CFAP61: variants seen among roughly 807,000 people sequenced by gnomAD.
The protein encoded by CFAP61 is cilia and flagella associated protein 61.
In CFAP61, 107 loss-of-function variants were observed where a neutral mutation model predicts 135.6. The ratio of observed to expected loss-of-function variants is 0.79; its 90% CI spans 0.67 to 0.93. CFAP61 has a LOEUF of 0.93. Ranked by LOEUF, CFAP61 falls within the 40% of genes least tolerant of loss-of-function variation. The pLI, the probability that CFAP61 is intolerant of heterozygous loss-of-function variation, is 0.00. For synonymous variants in CFAP61, 575 were observed against 578.5 expected (o/e 0.99, Z 0.09); for missense variants, 1,507 against 1,556.2 (o/e 0.97, Z 0.53).
chr20:20,084,630 CCA>C (rs2046667406), intron 6 of CFAP61, among the ~76,000 whole-genome samples: 1 of 152,136 alleles, frequency 6.6e-6, no homozygotes, highest in Non-Finnish European at 1.5e-5. Context: ...TGCGTGTCAC[CCA>C]GAGACCCATC....
chr20:20,248,773 C>T (rs1477039849), intron 19 of CFAP61, among the ~76,000 whole-genome samples: 1 of 152,226 alleles, frequency 6.6e-6, no homozygotes, highest in Admixed American at 6.5e-5. Flanking sequence ...TTGCTTCTAA[C>T]TGCACACCTG....
intron 6 of CFAP61, among the ~76,000 whole-genome samples, chr20:20,078,592 G>A (rs540778092): frequency 1.3e-5 from 2 of 152,290 alleles, no homozygotes; most frequent in African/African-American, 4.8e-5. Flanking sequence ...GTCAGTAAGT[G>A]GGGAGATCAT....
chr20:20,255,543 A>G (rs1601652638), intron 20 of CFAP61, among the ~76,000 whole-genome samples: 1 of 152,272 alleles, frequency 6.6e-6, no homozygotes, highest in East Asian at 1.9e-4. Flanking sequence ...ATCATGTCTT[A>G]GACTGGGTCA....
chr20:20,268,736 T>C (rs2053020655), intron 21 of CFAP61, among the ~76,000 whole-genome samples: 1 of 152,188 alleles, frequency 6.6e-6, no homozygotes, highest in Non-Finnish European at 1.5e-5. Context: ...AGCAACCCGA[T>C]ACATTATAAC....
intron 12 of CFAP61, among the ~76,000 whole-genome samples, chr20:20,166,852 A>G (rs1298917599): frequency 6.6e-6 from 1 of 152,152 alleles, no homozygotes; most frequent in Non-Finnish European, 1.5e-5. Flanking sequence ...TTCTTTCCCT[A>G]CTAGTTCCTC....
At chr20:20,219,470 T>C (rs1446432375) in intron 17 of CFAP61, among the ~76,000 whole-genome samples, 2 of 152,192 alleles carry the variant, frequency 1.3e-5, no homozygotes, top group Non-Finnish European at 2.9e-5. Flanking sequence ...CAAAATATTT[T>C]AAAGTCTATG....
At chr20:20,188,179 G>T in intron 14 of CFAP61, 123 bp downstream of exon 14, 1 of 975,314 alleles carries the variant, frequency 1.0e-6, no homozygotes, top group Non-Finnish European at 1.5e-6. Context: ...AGTGGAGGTA[G>T]AGTTAGAAGA....
At chr20:20,286,355 G>A (rs2054589038) in intron 22 of CFAP61, among the ~76,000 whole-genome samples, 1 of 152,214 alleles carries the variant, frequency 6.6e-6, no homozygotes, top group Non-Finnish European at 1.5e-5. Flanking sequence ...TTCCCATCTT[G>A]TTGGCATTCA....
At chr20:20,171,348 C>A (rs2054206208) in intron 13 of CFAP61, among the ~76,000 whole-genome samples, 1 of 152,208 alleles carries the variant, frequency 6.6e-6, no homozygotes, top group Admixed American at 6.5e-5. Flanking sequence ...AACCGAAGTT[C>A]CTTCTCTTAT....
chr20:20,069,968 A>C (rs1288236764), intron 2 of CFAP61: 1 of 276,024 alleles, frequency 3.6e-6, no homozygotes, highest in Non-Finnish European at 7.3e-6. Context: ...TTAAGATGCC[A>C]GTAGATTTCA....
rs1029922388 is a variant in CFAP61 at position 20,070,976 on chromosome 20, G to A, written c.266G>A (p.Arg89Gln). 1.7e-5 allele frequency: 27 copies of A among 1,614,016 alleles called. No homozygotes were observed. Among genetic ancestry groups the A allele is most frequent in the Middle Eastern group, 1.6e-4 (1 of 6,076 alleles). Residue 89 changes from arginine to glutamine, a missense_variant, in exon 3 of 27, where the codon CGG becomes CAG. Transcript: ENST00000245957. Reference sequence around the variant, plus strand: ...CAGGATGACTGGGTGTCAGTGTTCCGGGAGCTCGACAGTGACATCCCATGC... The same window carrying A: ...CAGGATGACTGGGTGTCAGTGTTCCAGGAGCTCGACAGTGACATCCCATGC... ...AKQDDWVSVF[R>Q]ELDSDIPCTP...
At chr20:20,248,453 T>C (rs2050631722) in intron 19 of CFAP61, among the ~76,000 whole-genome samples, 1 of 152,210 alleles carries the variant, frequency 6.6e-6, no homozygotes, top group Non-Finnish European at 1.5e-5. Context: ...TAATTTATTA[T>C]TGTTAGAATT....
chr20:20,343,860 A>G (rs2122389480), intron 26 of CFAP61, among the ~76,000 whole-genome samples: 1 of 152,318 alleles, frequency 6.6e-6, no homozygotes, highest in South Asian at 2.1e-4. Flanking sequence ...CGTTTCATAC[A>G]ACTCACTGAG....
intron 9 of CFAP61, among the ~76,000 whole-genome samples, chr20:20,144,597 C>T (rs969208920): frequency 5.0e-5 from 6 of 120,250 alleles, no homozygotes; most frequent in Admixed American, 2.4e-4. Context: ...GAGAGAGAGA[C>T]GCTAGGACAG....
In CFAP61 at chr20:20,083,192, C is replaced by G. The variant is rs148471301; in HGVS notation, c.566+7577C>G. Reference sequence around the variant, plus strand: ...ATGAACAAAATAATGTCTTTTGTTGCACCTTGGATGAAGCTGGAGGCCATT... The same window carrying G: ...ATGAACAAAATAATGTCTTTTGTTGGACCTTGGATGAAGCTGGAGGCCATT... On this transcript the variant is annotated intron_variant, in intron 6 of 26. Transcript: ENST00000245957. 1.9e-3 allele frequency among the ~76,000 whole-genome samples: 296 copies of G among 152,206 alleles called. 3 individuals carry two copies. Among genetic ancestry groups the G allele is most frequent in the African/African-American group, 6.4e-3 (266 of 41,534 alleles).
intron 21 of CFAP61, among the ~76,000 whole-genome samples, chr20:20,273,858 G>A (rs2053553861): frequency 6.6e-6 from 1 of 152,220 alleles, no homozygotes; most frequent in South Asian, 2.1e-4. Context: ...CAGTCTGTGG[G>A]GCCCAGATAT....
chr20:20,138,565 A>T (rs1243433846), intron 8 of CFAP61, among the ~76,000 whole-genome samples: 1 of 152,166 alleles, frequency 6.6e-6, no homozygotes, highest in Non-Finnish European at 1.5e-5. Context: ...CCACGTGGCT[A>T]CTGCCAGGGG....
intron 2 of CFAP61, among the ~76,000 whole-genome samples, chr20:20,059,468 A>C (rs1199687202): frequency 6.6e-6 from 1 of 151,202 alleles, no homozygotes; most frequent in Non-Finnish European, 1.5e-5. Flanking sequence ...AATACAAAAA[A>C]TTAGCCAGGA....
chr20:20,333,933 A>C (rs1257418948), intron 25 of CFAP61, among the ~76,000 whole-genome samples: 1 of 152,142 alleles, frequency 6.6e-6, no homozygotes, highest in East Asian at 1.9e-4. Context: ...TGGGCTGGTC[A>C]GGATTTCCCT....
Sources: gnomAD v4.1 joint callset for allele counts (sites outside exome capture counted in the v4.1 genomes callset) on GRCh38, gnomAD v4.1.1 for gene constraint, MANE v1.5 for transcripts, NCBI Gene and HGNC (gene_info 2026-07-23, HGNC 2026-07-21) for gene names.